CDH18: variants seen among roughly 807,000 people sequenced by gnomAD.
The protein encoded by CDH18 is cadherin 18, also known as cadherin-18.
In CDH18, 31 loss-of-function variants were observed where a neutral mutation model predicts 67.9. That is an observed-to-expected ratio of 0.46 (90% CI 0.34 to 0.62). CDH18 has a LOEUF of 0.62. Ranked by LOEUF, CDH18 falls within the 20% of genes least tolerant of loss-of-function variation. The pLI is 0.01. For synonymous variants in CDH18, 362 were observed against 347.2 expected (o/e 1.04, Z -0.48); for missense variants, 890 against 975.5 (o/e 0.91, Z 1.17).
In CDH18 at chr5:19,956,252, G is replaced by C. The variant is rs145720349; in HGVS notation, c.-257+24808C>G. ...TAGATGCTAAATTGAAATTAACCTT[G>C]GTTTACTTCTTCCATACTTTCTAAG... On this transcript the variant is annotated intron_variant, in intron 2 of 12. Coordinates refer to ENST00000382275, the MANE Select transcript of CDH18 (RefSeq NM_004934.5). Among the ~76,000 whole-genome samples the C allele has an allele frequency of 8.8e-3, 1,344 of 151,926 alleles. 24 individuals carry two copies. The highest frequency in any genetic ancestry group is 0.03 in the African/African-American group (1,257 of 41,492).
chr5:19,889,487 TA>T (rs199880889), intron 2 of CDH18, among the ~76,000 whole-genome samples: 1,949 of 152,202 alleles, frequency 0.013, 37 homozygotes, highest in African/African-American at 0.045. Flanking sequence ...AATTTATATT[TA>T]GGGGAGACTC....
At chr5:19,489,423 AT>A (rs570034624) in intron 11 of CDH18, among the ~76,000 whole-genome samples, 12 of 151,664 alleles carry the variant, frequency 7.9e-5, no homozygotes, top group Admixed American at 1.3e-4. Flanking sequence ...AATGTTTTGT[AT>A]TTTTAGTAGA....
At chr5:20,066,237 A>C (rs1245464029) in intron 2 of CDH18, among the ~76,000 whole-genome samples, 2 of 151,954 alleles carry the variant, frequency 1.3e-5, no homozygotes, top group African/African-American at 4.8e-5. Context: ...AAACTTTGAA[A>C]ATGTAGAGCT....
chr5:19,672,377 T>C (rs1346109215), intron 5 of CDH18, among the ~76,000 whole-genome samples: 1 of 152,128 alleles, frequency 6.6e-6, no homozygotes, highest in Non-Finnish European at 1.5e-5. Flanking sequence ...TTAAAGCACT[T>C]AGAAAAGGAC....
chr5:20,110,989 C>T (rs979370012), intron 2 of CDH18, among the ~76,000 whole-genome samples: 2 of 151,940 alleles, frequency 1.3e-5, no homozygotes, highest in African/African-American at 2.4e-5. Context: ...TAAAAGATTC[C>T]TATTCTTATT....
intron 1 of CDH18, among the ~76,000 whole-genome samples, chr5:20,270,422 C>T (rs1293548716): frequency 3.9e-5 from 6 of 151,988 alleles, no homozygotes; most frequent in Admixed American, 2.0e-4. Context: ...CAAATCAAAA[C>T]CATAATGATA....
intron 2 of CDH18, among the ~76,000 whole-genome samples, chr5:20,149,510 C>A (rs1194797925): frequency 2.0e-5 from 3 of 152,064 alleles, no homozygotes; most frequent in Non-Finnish European, 4.4e-5. Context: ...ACACTGCTAT[C>A]AGTTGTTAGA....
intron 2 of CDH18, among the ~76,000 whole-genome samples, chr5:19,876,898 C>A (rs898437524): frequency 3.7e-4 from 57 of 152,030 alleles, no homozygotes; most frequent in African/African-American, 1.4e-3. Context: ...CAATGAAATC[C>A]GTGTGGAAAT....
chr5:20,496,390 T>C (rs531822296), intron 1 of CDH18, among the ~76,000 whole-genome samples: 10 of 152,270 alleles, frequency 6.6e-5, no homozygotes, highest in African/African-American at 2.4e-4. Context: ...ATATTCATGA[T>C]TTTTAGGATA....
chr5:20,510,126 A>G (rs1204256675), intron 1 of CDH18, among the ~76,000 whole-genome samples: 1 of 151,884 alleles, frequency 6.6e-6, no homozygotes, highest in Non-Finnish European at 1.5e-5. Context: ...TTTAATTTGC[A>G]TTTCCTGATG....
At chr5:20,450,350 T>C (rs1191523415) in intron 1 of CDH18, among the ~76,000 whole-genome samples, 1 of 152,128 alleles carries the variant, frequency 6.6e-6, no homozygotes, top group Non-Finnish European at 1.5e-5. Flanking sequence ...TCTGTCTCAA[T>C]AAATACATAA....
chr5:19,872,723 CTGACTCT>C (rs1786464158), intron 2 of CDH18, among the ~76,000 whole-genome samples: 2 of 152,172 alleles, frequency 1.3e-5, no homozygotes, highest in South Asian at 2.1e-4. Flanking sequence ...TCAGTTAAGG[CTGACTCT>C]TAATGAATAA....
chr5:20,159,910 TC>T (rs1207253745), intron 2 of CDH18, among the ~76,000 whole-genome samples: 1 of 152,144 alleles, frequency 6.6e-6, no homozygotes, highest in East Asian at 1.9e-4. Context: ...TTTCTTTAAA[TC>T]TGACCTCTCA....
At chr5:20,235,773 G>A (rs2126523163) in intron 2 of CDH18, among the ~76,000 whole-genome samples, 1 of 152,146 alleles carries the variant, frequency 6.6e-6, no homozygotes, top group South Asian at 2.1e-4. Context: ...CCTGCTATTG[G>A]GTATACACCC....
intron 5 of CDH18, among the ~76,000 whole-genome samples, chr5:19,615,459 T>G (rs1749675135): frequency 6.6e-6 from 1 of 152,146 alleles, no homozygotes; most frequent in African/African-American, 2.4e-5. Flanking sequence ...ATATACCCTT[T>G]ACTTCCTCCA....
intron 1 of CDH18, among the ~76,000 whole-genome samples, chr5:20,471,164 A>G (rs751486367): frequency 1.1e-4 from 16 of 150,860 alleles, no homozygotes; most frequent in Non-Finnish European, 2.1e-4. Flanking sequence ...TGCTAAGAGC[A>G]AGGCCACTTC....
At chr5:20,308,262 GC>G (rs1736661882) in intron 1 of CDH18, among the ~76,000 whole-genome samples, 1 of 151,970 alleles carries the variant, frequency 6.6e-6, no homozygotes. Flanking sequence ...TAGCCAAAAG[GC>G]CGAGGGTGGT....
intron 2 of CDH18, among the ~76,000 whole-genome samples, chr5:19,911,725 T>C (rs2150139747): frequency 6.6e-6 from 1 of 152,034 alleles, no homozygotes; most frequent in East Asian, 2.0e-4. Context: ...TCTAGAACTG[T>C]GAGAATTAAT....
At chr5:20,490,838 G>A (rs1181915850) in intron 1 of CDH18, among the ~76,000 whole-genome samples, 1 of 152,060 alleles carries the variant, frequency 6.6e-6, no homozygotes, top group Admixed American at 6.6e-5. Flanking sequence ...AAAAGATACA[G>A]CTTAATACCT....
Sources: gnomAD v4.1 joint callset for allele counts (sites outside exome capture counted in the v4.1 genomes callset) on GRCh38, gnomAD v4.1.1 for gene constraint, MANE v1.5 for transcripts, NCBI Gene and HGNC (gene_info 2026-07-23, HGNC 2026-07-21) for gene names.